The following ARID1B variants were observed in gnomAD, a reference collection of about 807,000 sequenced individuals.
The protein encoded by ARID1B is AT-rich interactive domain-containing protein 1B.
ARID1B carries 30 observed loss-of-function variants against 212.3 expected under a neutral mutation model. The observed-to-expected ratio is 0.14, with a 90% CI of 0.11 to 0.19. The LOEUF (loss-of-function observed/expected upper bound fraction) is 0.19, where lower values mean the gene tolerates loss of function less well. ARID1B is among the 10% of genes least tolerant of loss of function. The probability of loss-of-function intolerance (pLI) is 1.00; values close to 1 mark genes in which losing one functional copy is unlikely to be tolerated. For missense variants in ARID1B, 2,891 were observed against 3,204.0 expected (o/e 0.90, Z 2.36); for synonymous variants, 1,402 against 1,301.7 (o/e 1.08, Z -1.66).
chr6:157,210,700 G>A lies in ARID1B; in HGVS notation c.*2809G>A, dbSNP rs1345203708. On this transcript the variant is annotated 3_prime_UTR_variant, in exon 20 of 20. Coordinates refer to ENST00000636930, the MANE Select transcript of ARID1B (RefSeq NM_001374828.1). ...TTTACAGGATGCCCAGACTTTACAT[G>A]TGTACCAAAAAAAAAAAAAAGATAA... The A allele has an allele frequency of 4.6e-6, 1 of 218,182 alleles. No homozygotes were observed. The highest frequency in any genetic ancestry group is 1.9e-4 in the South Asian group (1 of 5,242). The allele number at this position is 218,182 out of a possible 1,614,324, so 13.5% of individuals were successfully genotyped here.
Position 157,094,572 on chromosome 6 carries a change from C to G in ARID1B, c.2491+9667C>G, listed in dbSNP as rs1263749778. ...GTTTCGCCATGTTGGCCAGGCTGGT[C>G]TCGAACTCCTGACCTCTCGAAATCT... On this transcript the variant is annotated intron_variant, in intron 5 of 19. Coordinates refer to ENST00000636930, the MANE Select transcript of ARID1B (RefSeq NM_001374828.1). The surrounding 1 kb of genome is among the most constrained non-coding windows in gnomAD (Gnocchi z 4.3). Among the ~76,000 whole-genome samples, 1 of 152,136 alleles carries G rather than the reference C, an allele frequency of 6.6e-6. No individual in the cohort carries two copies. The highest frequency in any genetic ancestry group is 1.5e-5 in the Non-Finnish European group (1 of 68,042).
chr6:156,984,344 A>G (rs1333018743), intron 4 of ARID1B, among the ~76,000 whole-genome samples: 1 of 152,184 alleles, frequency 6.6e-6, no homozygotes, highest in Non-Finnish European at 1.5e-5. Context: ...TCTCATCAGA[A>G]TGGAATTTTC....
chr6:156,848,466 A>T lies in ARID1B; in HGVS notation c.1986+19045A>T, dbSNP rs185654964. Among the ~76,000 whole-genome samples the T allele has an allele frequency of 3.2e-4, 48 of 152,368 alleles. 2 individuals carry two copies. Among genetic ancestry groups the T allele is most frequent in the Non-Finnish European group, 5.1e-4 (35 of 68,032 alleles). Reference sequence around the variant, plus strand: ...ATATGGTCTTTCAAAGTGATCGTGCACTTCCAAAATGAAGTATCTACCCAC... The same window carrying T: ...ATATGGTCTTTCAAAGTGATCGTGCTCTTCCAAAATGAAGTATCTACCCAC... On this transcript the variant is annotated intron_variant, in intron 2 of 19. Coordinates refer to ENST00000636930, the MANE Select transcript of ARID1B (RefSeq NM_001374828.1).
At chr6:156,786,348 T>C (rs1779629397) in intron 1 of ARID1B, among the ~76,000 whole-genome samples, 1 of 152,192 alleles carries the variant, frequency 6.6e-6, no homozygotes, top group African/African-American at 2.4e-5. Context: ...TTTTTAGTCC[T>C]CTGCAAAACT....
chr6:157,149,137 A>G (rs1790017564), intron 8 of ARID1B, 186 bp downstream of exon 8: 4 of 623,532 alleles, frequency 6.4e-6, no homozygotes, highest in African/African-American at 3.7e-5. Flanking sequence ...GTGACAAACC[A>G]TGTTTTATGA....
At position 157,190,040 on chromosome 6, in the gene ARID1B, G is replaced by A. The variant is rs574296429; in HGVS notation, c.4061G>A (p.Ser1354Asn). 33 of 1,613,694 alleles carry A rather than the reference G, an allele frequency of 2.0e-5. No individual in the cohort carries two copies. The East Asian group carries it at 4.2e-4, about 21-fold the overall frequency. The change falls in exon 15 of 20, where the codon AGC (serine) becomes AAC (asparagine). Residue 1354 changes from serine (S) to asparagine (N), a missense_variant and splice_region_variant. Transcript: ENST00000636930. The surrounding 1 kb of genome is among the most constrained non-coding windows in gnomAD (Gnocchi z 4.6). ...TTTCATTCTTTGCCTCTCTTCAGAA[G>A]CAGTACAATCAGTGTGCACGACCCA... The part of the protein sequence containing the change: ...GQMTPMQGGR[S>N]STISVHDPFS...
chr6:156,820,803 A>G (rs759771427), intron 1 of ARID1B, among the ~76,000 whole-genome samples: 1 of 152,268 alleles, frequency 6.6e-6, no homozygotes, highest in Non-Finnish European at 1.5e-5. Flanking sequence ...GAAGTGGTCA[A>G]GAGGTGGTCA....
intron 2 of ARID1B, among the ~76,000 whole-genome samples, chr6:156,860,968 T>G (rs767837636): frequency 1.3e-5 from 2 of 152,224 alleles, no homozygotes; most frequent in Non-Finnish European, 2.9e-5. Flanking sequence ...ACACAAAAAC[T>G]TGGTTTGGAA....
At chr6:157,175,113 G>T (rs916305110) in intron 11 of ARID1B, 108 bp downstream of exon 11, 23 of 966,628 alleles carry the variant, frequency 2.4e-5, no homozygotes, top group East Asian at 1.6e-4. Flanking sequence ...TGTTTTGTAA[G>T]ACTTTTTCTT....
intron 3 of ARID1B, among the ~76,000 whole-genome samples, chr6:156,912,487 C>G (rs926815994): frequency 6.6e-6 from 1 of 152,118 alleles, no homozygotes; most frequent in African/African-American, 2.4e-5. Context: ...GAAGACCCTG[C>G]TATTTATTTG....
At chr6:156,937,250 G>T (rs1299129223) in intron 4 of ARID1B, 1 of 152,112 alleles carries the variant, frequency 6.6e-6, no homozygotes, top group African/African-American at 2.4e-5. Context: ...GCATGCTGTC[G>T]ATAAATACTA....
rs1454784520 is a variant in ARID1B, at chr6:156,969,999, CTG to C, written c.2247+34425_2247+34426del. The stretch of plus-strand genomic sequence containing the variant: ...TACCTTTTCTGTGTCAATTAGTGAA[CTG>C]TAGAATGTAGAATTTGTATTTAATT... On this transcript the variant is annotated intron_variant, in intron 4 of 19. Transcript: ENST00000636930. Among the ~76,000 whole-genome samples the C allele has an allele frequency of 4.7e-5, 7 of 149,568 alleles. No individual in the cohort carries two copies. The Admixed American group carries it at 4.7e-4, about 10-fold the overall frequency.
chr6:157,109,606 A>G (rs1786749887), intron 5 of ARID1B, among the ~76,000 whole-genome samples: 2 of 152,206 alleles, frequency 1.3e-5, no homozygotes, highest in African/African-American at 4.8e-5. Flanking sequence ...CTCTCAGCCA[A>G]AAAGTGAGTT....
Position 157,134,323 on chromosome 6 carries a change from G to A in ARID1B, c.2761+1116G>A, listed in dbSNP as rs570393005. Among the ~76,000 whole-genome samples the A allele has an allele frequency of 2.0e-4, 30 of 152,284 alleles. No homozygotes were observed. In the South Asian group the frequency reaches 2.7e-3, roughly 14 times the overall value. On this transcript the variant is annotated intron_variant, in intron 7 of 19. Coordinates refer to ENST00000636930, the MANE Select transcript of ARID1B (RefSeq NM_001374828.1). ...TCTTGTGTTCTGAAGATGTTTTTCC[G>A]AAAGATCTTAAACAGTTTCAGTGCT...
At position 157,201,813 on chromosome 6, in the gene ARID1B, A is replaced by T. The variant is rs560737749; in HGVS notation, c.5263+325A>T. Among the ~76,000 whole-genome samples, 3 of 152,316 alleles carry T rather than the reference A, an allele frequency of 2.0e-5. No individual in the cohort carries two copies. In the South Asian group the frequency reaches 6.2e-4, roughly 32 times the overall value. On this transcript the variant is annotated intron_variant, in intron 18 of 19. Coordinates refer to ENST00000636930, the MANE Select transcript of ARID1B (RefSeq NM_001374828.1). The surrounding 1 kb of genome is among the most constrained non-coding windows in gnomAD (Gnocchi z 5.2). ...AATAAAATGGTAGTTTTACGTGTGAATGTTATTTGTGTGAAAGATTAGAGC... is the reference window on the plus strand; with the variant it reads ...AATAAAATGGTAGTTTTACGTGTGATTGTTATTTGTGTGAAAGATTAGAGC...
At chr6:156,824,914 G>A (rs971769482) in intron 1 of ARID1B, among the ~76,000 whole-genome samples, 1 of 151,444 alleles carries the variant, frequency 6.6e-6, no homozygotes, top group African/African-American at 2.4e-5. Flanking sequence ...CCAGGGTGGA[G>A]TGTGCAGTGG....
intron 6 of ARID1B, among the ~76,000 whole-genome samples, chr6:157,125,767 G>A (rs546345414): frequency 6.6e-6 from 1 of 152,324 alleles, no homozygotes; most frequent in African/African-American, 2.4e-5. Context: ...GAGGGTAGAT[G>A]TTGCCTGTGC....
At chr6:156,797,554 C>A (rs1242185622) in intron 1 of ARID1B, among the ~76,000 whole-genome samples, 7 of 152,168 alleles carry the variant, frequency 4.6e-5, no homozygotes. Context: ...GACAGAAGAA[C>A]CTTGCAAGCG....
chr6:157,116,102 G>T (rs1787307860), intron 6 of ARID1B, among the ~76,000 whole-genome samples: 1 of 152,156 alleles, frequency 6.6e-6, no homozygotes, highest in East Asian at 1.9e-4. Context: ...ATAGGAAACG[G>T]CTTATTAATA....
Sources: allele counts gnomAD v4.1 joint callset (sites outside exome capture counted in the v4.1 genomes callset), GRCh38; gene constraint gnomAD v4.1.1; non-coding constraint Gnocchi (gnomAD v3.1); transcripts MANE v1.5; gene names NCBI Gene and HGNC (gene_info 2026-07-23, HGNC 2026-07-21).